The following CCBE1 variants were observed in gnomAD, a reference collection of about 807,000 sequenced individuals.
The protein encoded by CCBE1 is collagen and calcium binding EGF domains 1.
Under a neutral mutation model 50.0 loss-of-function variants are expected in CCBE1, and 37 were observed. That is an observed-to-expected ratio of 0.74 (90% CI 0.57 to 0.97). CCBE1 has a LOEUF of 0.97. Ranked by LOEUF, CCBE1 falls within the 50% of genes least tolerant of loss-of-function variation. The pLI is 0.00. For synonymous variants in CCBE1, 234 were observed against 203.7 expected, an observed-to-expected ratio of 1.15 and a Z score of -1.27; for missense variants, 538 against 523.8, an observed-to-expected ratio of 1.03 and a Z score of -0.26.
intron 3 of CCBE1, among the ~76,000 whole-genome samples, chr18:59,474,010 T>C (rs1223959480): frequency 6.6e-6 from 1 of 152,220 alleles, no homozygotes; most frequent in Non-Finnish European, 1.5e-5. Flanking sequence ...CTTCCTATGT[T>C]AGTTTGCTTA....
In CCBE1 at chr18:59,436,054, G is replaced by T. The variant is rs527538186; in HGVS notation, c.1075C>A (p.His359Asn). The change falls in exon 11 of 11, where the codon CAC (histidine) becomes AAC (asparagine). Residue 359 changes from histidine to asparagine, a missense_variant. Coordinates refer to ENST00000439986, the MANE Select transcript of CCBE1 (RefSeq NM_133459.4). ...ITELQEKVFG[H>N]RTHSSAEEFP... ...TCCTCTGCTGAAGAGTGAGTCCGGT[G>T]CCCGAACACCTTTTCCTGCAGCTCA... 1 of 1,614,188 alleles carries T rather than the reference G, an allele frequency of 6.2e-7. No homozygotes were observed. The highest frequency in any genetic ancestry group is 1.1e-5 in the South Asian group (1 of 91,076).
chr18:59,554,744 G>T (rs1332760844), intron 2 of CCBE1, among the ~76,000 whole-genome samples: 1 of 152,180 alleles, frequency 6.6e-6, no homozygotes, highest in African/African-American at 2.4e-5. Context: ...TATGTGAGAA[G>T]GTGGTTGAGA....
intron 2 of CCBE1, among the ~76,000 whole-genome samples, chr18:59,577,948 A>G: frequency 6.6e-6 from 1 of 152,242 alleles, no homozygotes; most frequent in Non-Finnish European, 1.5e-5. Flanking sequence ...AACAAAAGCC[A>G]AAATTGACAA....
chr18:59,473,007 C>A (rs936557355), intron 3 of CCBE1, among the ~76,000 whole-genome samples: 8 of 152,148 alleles, frequency 5.3e-5, no homozygotes, highest in Admixed American at 5.2e-4. Context: ...TCAATTATCT[C>A]CACCTGGCCC....
At chr18:59,657,659 G>A (rs1311565647) in intron 2 of CCBE1, among the ~76,000 whole-genome samples, 2 of 152,204 alleles carry the variant, frequency 1.3e-5, no homozygotes, top group African/African-American at 4.8e-5. Context: ...TGGGATCTGA[G>A]GCGGACAGAT....
At position 59,493,545 on chromosome 18, in the gene CCBE1, C is replaced by CTTT. The variant is rs56316631; in HGVS notation, c.213-13310_213-13308dup. 4.3e-3 allele frequency among the ~76,000 whole-genome samples: 644 copies of CTTT among 149,362 alleles called. 8 individuals are homozygous for CTTT. The highest frequency in any genetic ancestry group is 0.015 in the African/African-American group (605 of 40,900). On this transcript the variant is annotated intron_variant, in intron 2 of 10. Transcript: ENST00000439986. ...ATAGATTATTTAATTCTCATAAAAA[C>CTTT]TTTTTTTTTTTTAACAGGTGAGAAG...
intron 2 of CCBE1, among the ~76,000 whole-genome samples, chr18:59,670,276 C>G (rs2054414386): frequency 6.6e-6 from 1 of 152,002 alleles, no homozygotes; most frequent in African/African-American, 2.4e-5. Context: ...ATCCCACAAA[C>G]TAAAGAAATG....
intron 2 of CCBE1, among the ~76,000 whole-genome samples, chr18:59,674,516 G>A (rs908232652): frequency 3.3e-5 from 5 of 152,228 alleles, no homozygotes; most frequent in East Asian, 1.9e-4. Flanking sequence ...AATACCTAAC[G>A]TAGATGACAG....
intron 2 of CCBE1, among the ~76,000 whole-genome samples, chr18:59,616,015 C>T (rs1044562495): frequency 1.3e-5 from 2 of 152,174 alleles, no homozygotes; most frequent in African/African-American, 2.4e-5. Context: ...TAGCTGAGCT[C>T]GGCTGTGGTC....
chr18:59,667,777 G>C (rs562540467), intron 2 of CCBE1, among the ~76,000 whole-genome samples: 4 of 152,302 alleles, frequency 2.6e-5, no homozygotes, highest in African/African-American at 9.6e-5. Flanking sequence ...GGACAGGAAA[G>C]AATGGGGAGT....
At chr18:59,611,958 T>C (rs984085032) in intron 2 of CCBE1, among the ~76,000 whole-genome samples, 1 of 152,144 alleles carries the variant, frequency 6.6e-6, no homozygotes, top group African/African-American at 2.4e-5. Context: ...TCAAGCTACA[T>C]ACCTGGAGTC....
chr18:59,525,586 CTTAGT>C (rs1267479171), intron 2 of CCBE1, among the ~76,000 whole-genome samples: 3 of 152,124 alleles, frequency 2.0e-5, no homozygotes, highest in Non-Finnish European at 2.9e-5. Context: ...GCAGAAACTC[CTTAGT>C]TTAATTAGAT....
chr18:59,532,168 C>A (rs560593037), intron 2 of CCBE1, among the ~76,000 whole-genome samples: 1 of 152,160 alleles, frequency 6.6e-6, no homozygotes, highest in Non-Finnish European at 1.5e-5. Context: ...TGGATTCAAG[C>A]AATCCTCCTG....
chr18:59,586,147 G>A (rs1484530179), intron 2 of CCBE1, among the ~76,000 whole-genome samples: 1 of 152,170 alleles, frequency 6.6e-6, no homozygotes, highest in African/African-American at 2.4e-5. Context: ...TAACTTTAAT[G>A]CTCCACTTTA....
At chr18:59,618,097 C>T (rs2053660807) in intron 2 of CCBE1, among the ~76,000 whole-genome samples, 1 of 152,088 alleles carries the variant, frequency 6.6e-6, no homozygotes, top group Non-Finnish European at 1.5e-5. Context: ...ATATGTCCCC[C>T]ATAACGATGG....
chr18:59,617,319 C>T (rs555181556), intron 2 of CCBE1, among the ~76,000 whole-genome samples: 16 of 152,312 alleles, frequency 1.1e-4, no homozygotes, highest in African/African-American at 2.6e-4. Context: ...AATGCAAATT[C>T]GAAATCCTTA....
intron 2 of CCBE1, among the ~76,000 whole-genome samples, chr18:59,544,258 T>C (rs1915597989): frequency 6.6e-6 from 1 of 152,220 alleles, no homozygotes; most frequent in Admixed American, 6.5e-5. Flanking sequence ...CTTTTTGGCC[T>C]CCTTGAAGCT....
chr18:59,524,950 T>C (rs1028936897), intron 2 of CCBE1, among the ~76,000 whole-genome samples: 1 of 152,230 alleles, frequency 6.6e-6, no homozygotes, highest in Non-Finnish European at 1.5e-5. Context: ...GGCTGTATAG[T>C]GTTTCACAGT....
At chr18:59,438,182 C>T (rs1910247957) in intron 9 of CCBE1, 36 bp from the exon 10 acceptor site, 1 of 1,601,758 alleles carries the variant, frequency 6.2e-7, no homozygotes, top group African/African-American at 1.3e-5. Context: ...CTTTCTAGAG[C>T]ACATGGATAT....
Sources: gnomAD v4.1 joint callset for allele counts (sites outside exome capture counted in the v4.1 genomes callset) on GRCh38, gnomAD v4.1.1 for gene constraint, MANE v1.5 for transcripts, NCBI Gene and HGNC (gene_info 2026-07-23, HGNC 2026-07-21) for gene names.